Variants in GSTA4 observed in about 807,000 individuals in gnomAD.
The protein encoded by GSTA4 is glutathione S-transferase A4.
GSTA4 carries 15 observed loss-of-function variants against 24.4 expected under a neutral mutation model. The ratio of observed to expected loss-of-function variants is 0.61; its 90% confidence interval spans 0.41 to 0.95. GSTA4 has a LOEUF of 0.95. Among genes scored for constraint, GSTA4 ranks in the 40% least tolerant of loss-of-function variants. The pLI, the probability that GSTA4 is intolerant of heterozygous loss-of-function variation, is 0.00. For synonymous variants in GSTA4, 92 were observed against 94.2 expected (o/e 0.98, Z 0.13); for missense variants, 244 against 262.1 (o/e 0.93, Z 0.48).
At chr6:52,978,823 A>G (rs7740338) in intron 6 of GSTA4, among the ~76,000 whole-genome samples, 1 of 152,088 alleles carries the variant, frequency 6.6e-6, no homozygotes, top group Non-Finnish European at 1.5e-5. Context: ...TGAAAAAAAA[A>G]CCTCAAAATA....
intron 2 of GSTA4, among the ~76,000 whole-genome samples, chr6:52,991,977 G>A (rs1024964885): frequency 6.6e-6 from 1 of 151,946 alleles, no homozygotes; most frequent in African/African-American, 2.4e-5. Flanking sequence ...GGCTGGTCTC[G>A]AACTCCTGAC....
chr6:52,990,123 G>T (rs1345205923), intron 2 of GSTA4, among the ~76,000 whole-genome samples: 1 of 152,162 alleles, frequency 6.6e-6, no homozygotes, highest in East Asian at 1.9e-4. Context: ...GGGTTTTAAG[G>T]GGTCTTCGGG....
rs765536833 is a variant in GSTA4 at position 52,978,487 on chromosome 6, T to C, written c.652A>G (p.Asn218Asp). 1 of 1,613,728 alleles carries C rather than the reference T, an allele frequency of 6.2e-7. No individual in the cohort carries two copies. Among genetic ancestry groups the C allele is most frequent in the South Asian group, 1.1e-5 (1 of 90,980 alleles). ...PDEIYVRTVY[N>D]IFRP The stretch of plus-strand genomic sequence containing the variant: ...GTGTTGTTTTATGGCCTAAAGATGT[T>C]GTAGACGGTTCTCACATAAATTTCA... The change falls in exon 7 of 7, where the codon AAC (asparagine) becomes GAC (aspartate). Residue 218 changes from asparagine to aspartate, a missense_variant. Asn to Asp is a conservative substitution (Grantham distance 23). Coordinates refer to ENST00000370963, the MANE Select transcript of GSTA4 (RefSeq NM_001512.4).
At chr6:52,989,242 A>G (rs1376170722) in intron 2 of GSTA4, among the ~76,000 whole-genome samples, 1 of 152,220 alleles carries the variant, frequency 6.6e-6, no homozygotes, top group African/African-American at 2.4e-5. Context: ...ATCAAGAAAT[A>G]ACTATAAAAA....
intron 3 of GSTA4, among the ~76,000 whole-genome samples, chr6:52,986,110 G>A (rs534670617): frequency 6.6e-6 from 1 of 152,192 alleles, no homozygotes; most frequent in Admixed American, 6.5e-5. Context: ...TTTCACCCCA[G>A]GAAAAATACC....
At chr6:52,985,881 C>T (rs1414897260) in intron 3 of GSTA4, among the ~76,000 whole-genome samples, 1 of 152,000 alleles carries the variant, frequency 6.6e-6, no homozygotes, top group Non-Finnish European at 1.5e-5. Flanking sequence ...TGAAACCCCG[C>T]CTCTACTAGA....
intron 2 of GSTA4, among the ~76,000 whole-genome samples, chr6:52,993,120 T>C (rs1480577498): frequency 1.3e-5 from 2 of 151,964 alleles, no homozygotes; most frequent in African/African-American, 2.4e-5. Flanking sequence ...CCCAGAACAT[T>C]AGTAGAAAAA....
Position 52,987,378 on chromosome 6 carries a change from G to A in GSTA4, c.118C>T (p.Gln40Ter). 1 of 1,588,756 alleles carries A rather than the reference G, an allele frequency of 6.3e-7. No homozygotes were observed. Among genetic ancestry groups the A allele is most frequent in the Non-Finnish European group, 8.6e-7 (1 of 1,158,446 alleles). Reference sequence around the variant, plus strand: ...TCACCATCCTGCAACTTGTACAACTGTTCTTTTGTTTCCAGAAATTCTTCA... The same window carrying A: ...TCACCATCCTGCAACTTGTACAACTATTCTTTTGTTTCCAGAAATTCTTCA... ...FDEEFLETKEQLYKLQDGNHL... is the reference protein window; with the variant it reads ...FDEEFLETKE The change falls in exon 3 of 7, where the codon CAG becomes TAG. Residue 40 changes from glutamine (Q) to a stop codon, truncating the protein, a stop_gained. Transcript: ENST00000370963. LOFTEE classifies it high-confidence loss of function.
intron 5 of GSTA4, 70 bp from the exon 6 acceptor site, chr6:52,982,775 G>T: frequency 8.4e-7 from 1 of 1,187,472 alleles, no homozygotes; most frequent in Non-Finnish European, 1.2e-6. Flanking sequence ...TTGAATCAGT[G>T]CAGTATCTGA....
intron 5 of GSTA4, among the ~76,000 whole-genome samples, 179 bp from the exon 6 acceptor site, chr6:52,982,884 GGAGAGA>G (rs3063729): frequency 3.4e-5 from 5 of 148,226 alleles, no homozygotes; most frequent in Admixed American, 1.3e-4. Context: ...AGAGAGAGGG[GGAGAGA>G]GAGAGAGAGA....
intron 4 of GSTA4, 74 bp from the exon 5 acceptor site, chr6:52,984,679 A>T: frequency 5.0e-5 from 51 of 1,029,230 alleles, no homozygotes; most frequent in Non-Finnish European, 6.9e-5. Flanking sequence ...AAGAATTCAG[A>T]GTGCTTTTTT....
intron 5 of GSTA4, 67 bp from the exon 6 acceptor site, chr6:52,982,772 A>C: frequency 8.2e-7 from 1 of 1,224,670 alleles, no homozygotes; most frequent in African/African-American, 1.5e-5. Context: ...CTATTGAATC[A>C]GTGCAGTATC....
rs1447490908 is a variant in GSTA4, at chr6:52,994,168, C to T, written c.76G>A (p.Ala26Thr). 4 of 1,608,602 alleles carry T rather than the reference C, an allele frequency of 2.5e-6. No individual in the cohort carries two copies. The highest frequency in any genetic ancestry group is 1.3e-5 in the African/African-American group (1 of 74,916). Residue 26 changes from alanine (A) to threonine (T), a missense_variant, in exon 2 of 7, where the codon GCC becomes ACC. By Grantham distance (58) the Ala-to-Thr change is moderately conservative. Coordinates refer to ENST00000370963, the MANE Select transcript of GSTA4 (RefSeq NM_001512.4). ...MESVRWVLAA[A>T]GVEFDEEFLE... ...AGCATATAAGGTACCTCGACTCCGG[C>T]GGCAGCTAAAACCCATCTCACGGAC...
At chr6:52,993,858 A>G (rs901175717) in intron 2 of GSTA4, 1 of 425,900 alleles carries the variant, frequency 2.3e-6, no homozygotes, top group African/African-American at 2.0e-5. Flanking sequence ...CATAATTAAT[A>G]AGAGCTCAGA....
intron 4 of GSTA4, among the ~76,000 whole-genome samples, chr6:52,984,822 T>G (rs1417584048): frequency 6.6e-6 from 1 of 152,144 alleles, no homozygotes; most frequent in African/African-American, 2.4e-5. Context: ...AGCTTGACAG[T>G]CATGAGTGCT....
At chr6:52,982,753 G>C (rs316133) in intron 5 of GSTA4, 48 bp from the exon 6 acceptor site, 872,483 of 1,464,118 alleles carry the variant, frequency 0.6, 261,834 homozygotes, top group East Asian at 0.76. Context: ...CATGGAGAGA[G>C]TGATGAGGCT....
Position 52,985,439 on chromosome 6 carries a change from G to C in GSTA4, c.272+12C>G. The C allele has an allele frequency of 4.3e-6, 7 of 1,611,588 alleles. No homozygotes were observed. The highest frequency in any genetic ancestry group is 5.9e-6 in the Non-Finnish European group (7 of 1,178,874). ...GCTGACAAGTGACAACACTCGAGAG[G>C]GGCCACAGTACAGGGTTCTCTCCTT... On this transcript the variant is annotated intron_variant, in intron 4 of 6. Coordinates refer to ENST00000370963, the MANE Select transcript of GSTA4 (RefSeq NM_001512.4).
chr6:52,991,073 C>T (rs1295067555), intron 2 of GSTA4, among the ~76,000 whole-genome samples: 3 of 152,218 alleles, frequency 2.0e-5, no homozygotes, highest in East Asian at 1.9e-4. Flanking sequence ...AAACACAAAA[C>T]GCATAACCCA....
At position 52,985,539 on chromosome 6, in the gene GSTA4, C is replaced by T. The variant is rs866689410; in HGVS notation, c.184G>A (p.Gly62Arg). Residue 62 changes from glycine (G) to arginine (R), a missense_variant, in exon 4 of 7, where the codon GGG becomes AGG. By Grantham distance (125) the Gly-to-Arg change is moderately radical (BLOSUM62 -2). Transcript: ENST00000370963. ...CTTCGGGTCTGTACCAACTTCATCC[C>T]GTCAATTTCAACCATGGGCACTTGT... ...FQQVPMVEID[G>R]MKLVQTRSIL... 1.4e-5 allele frequency: 23 copies of T among 1,613,764 alleles called. No individual in the cohort carries two copies. Among genetic ancestry groups the T allele is most frequent in the East Asian group, 6.7e-5 (3 of 44,896 alleles).
Sources: gnomAD v4.1 joint callset for allele counts (sites outside exome capture counted in the v4.1 genomes callset) on GRCh38, gnomAD v4.1.1 for gene constraint, MANE v1.5 for transcripts, NCBI Gene and HGNC (gene_info 2026-07-23, HGNC 2026-07-21) for gene names.